COL6A2: variants seen among roughly 807,000 people sequenced by gnomAD.
COL6A2 encodes the protein collagen alpha-2(VI) chain.
A neutral mutation model predicts 124.9 loss-of-function variants in COL6A2; 90 were observed. The observed-to-expected ratio is 0.72, with a 90% CI of 0.61 to 0.86. The LOEUF is 0.86. COL6A2 is among the 40% of genes least tolerant of loss of function. The pLI is 0.00. For missense variants in COL6A2, 1,607 were observed against 1,502.5 expected (o/e 1.07, Z -1.15); for synonymous variants, 793 against 618.2 (o/e 1.28, Z -4.19).
intron 17 of COL6A2, 133 bp downstream of exon 17, chr21:46,121,256 G>C (rs1178525976): frequency 3.3e-6 from 3 of 904,082 alleles, no homozygotes; most frequent in Non-Finnish European, 5.3e-6. Flanking sequence ...TCAGAAGCCA[G>C]GACCTGCTCC....
At chr21:46,122,752 C>A in intron 20 of COL6A2, 123 bp from the exon 21 acceptor site, 2 of 1,102,992 alleles carry the variant, frequency 1.8e-6, no homozygotes, top group Non-Finnish European at 2.7e-6. Flanking sequence ...AAAAAAACCA[C>A]ATAGATGCTC....
intron 27 of COL6A2, 112 bp from the exon 28 acceptor site, chr21:46,131,842 G>A (rs1230136774): frequency 2.9e-6 from 3 of 1,017,152 alleles, no homozygotes; most frequent in African/African-American, 1.6e-5. Context: ...GAGCCCAGTG[G>A]TCTGTGAGGT....
At position 46,118,914 on chromosome 21, in the gene COL6A2, C is replaced by CT; in HGVS notation, c.1180-115dup. 1.5e-5 allele frequency: 15 copies of CT among 1,003,844 alleles called. 1 individual carries two copies. In the South Asian group the frequency reaches 2.0e-4, roughly 14 times the overall value. 62.2% of individuals were successfully genotyped at this position (1,003,844 alleles called of 1,614,324 possible). A position where few individuals can be genotyped will look rare whatever the true frequency, so the allele number is the denominator to read the frequency against. On this transcript the variant is annotated intron_variant, in intron 13 of 27. Transcript: ENST00000300527. ...GGGACCCTGCAGGGCCCCCATGTGC[C>CT]TGGCAAGCAGATTCCGCTGGAAGAT...
At chr21:46,131,805 G>A (rs1212525338) in intron 27 of COL6A2, 149 bp from the exon 28 acceptor site, 22 of 738,700 alleles carry the variant, frequency 3.0e-5, no homozygotes, top group Non-Finnish European at 5.0e-5. Flanking sequence ...CCCACACCCA[G>A]GGCTGCCCTG....
intron 21 of COL6A2, 106 bp from the exon 22 acceptor site, chr21:46,124,545 C>T (rs968896663): frequency 6.0e-6 from 6 of 995,266 alleles, no homozygotes; most frequent in Non-Finnish European, 9.5e-6. Context: ...TAGCCCCCCC[C>T]CCCGCCAAGG....
At chr21:46,131,032 G>A (rs778358874) in intron 27 of COL6A2, among the ~76,000 whole-genome samples, 17 of 152,210 alleles carry the variant, frequency 1.1e-4, no homozygotes, top group Admixed American at 5.2e-4. Flanking sequence ...ACCGAGTTTC[G>A]GGTCAGGGTC....
At chr21:46,111,896 A>C in intron 2 of COL6A2, 83 bp from the exon 3 acceptor site, 1 of 1,453,432 alleles carries the variant, frequency 6.9e-7, no homozygotes, top group Non-Finnish European at 9.6e-7. Flanking sequence ...GGTCAAACCC[A>C]CAAACAGGCA....
Position 46,125,285 on chromosome 21 carries a change from A to G in COL6A2, c.1790A>G (p.Tyr597Cys), listed in dbSNP as rs771211172. 5.0e-6 allele frequency: 8 copies of G among 1,611,974 alleles called. No homozygotes were observed. The highest frequency in any genetic ancestry group is 6.8e-6 in the Non-Finnish European group (8 of 1,179,502). Residue 597 changes from tyrosine to cysteine, a missense_variant, in exon 24 of 28, where the codon TAC becomes TGC. Physicochemically the swap from Tyr to Cys is radical, Grantham distance 194 (BLOSUM62 -2). Around this residue, in one of 3 missense-constraint regions of COL6A2, gnomAD observed 1,223 missense variants for 1,052.2 expected, o/e 1.16. Transcript: ENST00000300527. Reference sequence around the variant, plus strand: ...TTGCAGGAGTGTGACGTCATGACCTACGTGAGGGAGACCTGCGGGTGCTGC... The same window carrying G: ...TTGCAGGAGTGTGACGTCATGACCTGCGTGAGGGAGACCTGCGGGTGCTGC... ...PGLTECDVMTYVRETCGCCDC... is the reference protein window; with the variant it reads ...PGLTECDVMTCVRETCGCCDC...
intron 27 of COL6A2, among the ~76,000 whole-genome samples, chr21:46,130,725 GTTA>G (rs2078749635): frequency 6.6e-6 from 1 of 152,198 alleles, no homozygotes; most frequent in African/African-American, 2.4e-5. Flanking sequence ...CAGTGAAAAT[GTTA>G]TTAGTTTTGA....
At position 46,121,717 on chromosome 21, in the gene COL6A2, C is replaced by T. The variant is rs765366586; in HGVS notation, c.1521+99C>T. On this transcript the variant is annotated intron_variant, in intron 18 of 27. Coordinates refer to ENST00000300527, the MANE Select transcript of COL6A2 (RefSeq NM_001849.4). ...CCTGGGGGACCCTGTTGCCGGCAGA[C>T]GTGCCTCAGGACGGGCCTGTGCCTC... is the stretch of plus-strand genomic sequence containing the variant. 2.3e-5 allele frequency: 28 copies of T among 1,228,550 alleles called. No individual in the cohort carries two copies. The Middle Eastern group carries it at 2.9e-3, about 126-fold the overall frequency. 76.1% of individuals were successfully genotyped at this position (1,228,550 alleles called of 1,614,324 possible). A position where few individuals can be genotyped will look rare whatever the true frequency, so the allele number is the denominator to read the frequency against.
chr21:46,118,149 G>A (rs1030185081), intron 12 of COL6A2, among the ~76,000 whole-genome samples: 2 of 152,008 alleles, frequency 1.3e-5, no homozygotes, highest in South Asian at 2.1e-4. Context: ...GCTGCTCACC[G>A]AGGCCTCGGC....
At chr21:46,121,726 G>T in intron 18 of COL6A2, 108 bp downstream of exon 18, 1 of 1,105,210 alleles carries the variant, frequency 9.0e-7, no homozygotes, top group South Asian at 1.3e-5. Flanking sequence ...ACGTGCCTCA[G>T]GACGGGCCTG....
intron 1 of COL6A2, among the ~76,000 whole-genome samples, chr21:46,108,681 G>T (rs1459646090): frequency 6.6e-6 from 1 of 152,110 alleles, no homozygotes; most frequent in Non-Finnish European, 1.5e-5. Flanking sequence ...TTACATTAAT[G>T]TATTCCCTAG....
chr21:46,123,691 G>A (rs1230242593), intron 21 of COL6A2, among the ~76,000 whole-genome samples: 4 of 72,724 alleles, frequency 5.5e-5, no homozygotes, highest in African/African-American at 1.9e-4. Flanking sequence ...GTGAGTAGGT[G>A]GGTAGGTGGG....
In COL6A2 at chr21:46,125,264, A is replaced by G; in HGVS notation, c.1771-2A>G. ...CTACCCTGCCTGCCGTGTGCATTGC[A>G]GGAGTGTGACGTCATGACCTACGTG... On this transcript the variant is annotated splice_acceptor_variant, in intron 23 of 27. Coordinates refer to ENST00000300527, the MANE Select transcript of COL6A2 (RefSeq NM_001849.4). LOFTEE classifies it high-confidence loss of function. The G allele has an allele frequency of 2.5e-6, 4 of 1,612,150 alleles. No homozygotes were observed. The highest frequency in any genetic ancestry group is 3.4e-6 in the Non-Finnish European group (4 of 1,179,576).
chr21:46,126,129 C>T lies in COL6A2; in HGVS notation c.2314C>T (p.Leu772Phe), dbSNP rs747786824. The change falls in exon 26 of 28, where the codon CTC (leucine) becomes TTC (phenylalanine). Residue 772 changes from leucine to phenylalanine, a missense_variant. Physicochemically the swap from Leu to Phe is conservative, Grantham distance 22 (BLOSUM62 0). Around this residue, in one of 3 missense-constraint regions of COL6A2, gnomAD observed 1,223 missense variants for 1,052.2 expected, o/e 1.16. Coordinates refer to ENST00000300527, the MANE Select transcript of COL6A2 (RefSeq NM_001849.4). Reference protein sequence around the residue: ...MFHEKHESENLYSIACDKPQQ... With the variant: ...MFHEKHESENFYSIACDKPQQ... ...CCACGAGAAGCACGAGAGTGAAAAC[C>T]TCTACTCCATCGCCTGCGACAAGCC... 8 of 1,612,118 alleles carry T rather than the reference C, an allele frequency of 5.0e-6. No individual in the cohort carries two copies. Among genetic ancestry groups the T allele is most frequent in the Non-Finnish European group, 5.9e-6 (7 of 1,180,012 alleles).
chr21:46,116,884 G>T lies in COL6A2; in HGVS notation c.999+70G>T, dbSNP rs897824491. On this transcript the variant is annotated intron_variant, in intron 10 of 27. Coordinates refer to ENST00000300527, the MANE Select transcript of COL6A2 (RefSeq NM_001849.4). The surrounding 1 kb of genome is among the most constrained non-coding windows in gnomAD (Gnocchi z 4.6). ...CATCCCAGCCTCTGCAGGGCCCCCA[G>T]ATCCAGCCTGATCTGTCAGCTTACA... 3 of 1,492,768 alleles carry T rather than the reference G, an allele frequency of 2.0e-6. No homozygotes were observed. The highest frequency in any genetic ancestry group is 2.8e-6 in the Non-Finnish European group (3 of 1,073,062). 92.5% of individuals were successfully genotyped at this position (1,492,768 alleles called of 1,614,324 possible). A position where few individuals can be genotyped will look rare whatever the true frequency, so the allele number is the denominator to read the frequency against.
intron 4 of COL6A2, among the ~76,000 whole-genome samples, chr21:46,113,283 C>T (rs572705247): frequency 4.6e-5 from 7 of 152,282 alleles, no homozygotes; most frequent in East Asian, 1.9e-4. Flanking sequence ...GCCTCAGAAT[C>T]GCTGCTCAGT....
At chr21:46,129,635 C>A (rs1568945116) in intron 27 of COL6A2, 34 of 1,428,188 alleles carry the variant, frequency 2.4e-5, no homozygotes, top group Non-Finnish European at 3.0e-5. Context: ...GGCTCTGGGG[C>A]AGCTCCCAGC....
Sources: allele counts gnomAD v4.1 joint callset (sites outside exome capture counted in the v4.1 genomes callset), GRCh38; gene constraint gnomAD v4.1.1; regional missense constraint gnomAD v4.1.1; non-coding constraint Gnocchi (gnomAD v3.1); transcripts MANE v1.5; gene names NCBI Gene and HGNC (gene_info 2026-07-23, HGNC 2026-07-21).